Variants in RFX8 observed in about 807,000 individuals in gnomAD.
RFX8 encodes the protein DNA-binding protein RFX8.
In RFX8, 46 loss-of-function variants were observed where a neutral mutation model predicts 54.6. That is an observed-to-expected ratio of 0.84 (90% confidence interval 0.67 to 1.08). The LOEUF is 1.08. RFX8 is among the 50% of genes least tolerant of loss of function. The pLI is 0.00. For missense variants in RFX8, 536 were observed against 562.3 expected (o/e 0.95, Z 0.47); for synonymous variants, 192 against 209.5 (o/e 0.92, Z 0.72).
chr2:101,408,495 C>T (rs911767908), intron 9 of RFX8, among the ~76,000 whole-genome samples: 22 of 145,544 alleles, frequency 1.5e-4, no homozygotes, highest in Non-Finnish European at 3.3e-4. Context: ...AAAAAAAAAA[C>T]AAAAAAAACG....
At chr2:101,425,251 GT>G (rs1428565814) in intron 2 of RFX8, among the ~76,000 whole-genome samples, 2 of 152,100 alleles carry the variant, frequency 1.3e-5, no homozygotes, top group African/African-American at 4.8e-5. Flanking sequence ...TCACACCCTG[GT>G]TATGTCAATG....
intron 2 of RFX8, among the ~76,000 whole-genome samples, chr2:101,451,123 T>G (rs1167889504): frequency 6.6e-6 from 1 of 152,126 alleles, no homozygotes; most frequent in Non-Finnish European, 1.5e-5. Context: ...AGCCCACACC[T>G]TCCTCCGCTA....
At chr2:101,470,555 A>G (rs1689919310) in intron 1 of RFX8, among the ~76,000 whole-genome samples, 2 of 152,044 alleles carry the variant, frequency 1.3e-5, no homozygotes, top group Admixed American at 6.6e-5. Context: ...TCGTAATAAC[A>G]CTATTTTCCT....
At chr2:101,432,602 G>A (rs1025599372) in intron 2 of RFX8, among the ~76,000 whole-genome samples, 7 of 152,144 alleles carry the variant, frequency 4.6e-5, no homozygotes, top group South Asian at 2.1e-4. Flanking sequence ...AGTGCCCACC[G>A]GGACAGCTTT....
At chr2:101,440,479 G>A (rs187619602) in intron 2 of RFX8, among the ~76,000 whole-genome samples, 1 of 152,216 alleles carries the variant, frequency 6.6e-6, no homozygotes, top group South Asian at 2.1e-4. Flanking sequence ...AACTTTAGGT[G>A]CCGAGTCGCT....
intron 2 of RFX8, among the ~76,000 whole-genome samples, chr2:101,429,833 T>C (rs891832237): frequency 2.0e-5 from 3 of 152,170 alleles, no homozygotes; most frequent in Non-Finnish European, 4.4e-5. Flanking sequence ...CGGGCAATTG[T>C]CATCCAGGTA....
intron 11 of RFX8, among the ~76,000 whole-genome samples, chr2:101,398,168 T>C (rs1364677016): frequency 1.3e-5 from 2 of 152,200 alleles, no homozygotes; most frequent in Non-Finnish European, 2.9e-5. Context: ...CATGCATTTA[T>C]TCTAAGAGAA....
intron 2 of RFX8, 45 bp from the exon 3 acceptor site, chr2:101,422,517 C>A (rs1558855988): frequency 2.6e-6 from 3 of 1,147,994 alleles, no homozygotes; most frequent in Non-Finnish European, 3.8e-6. Flanking sequence ...AAATACAATA[C>A]TTTTTTTGGC....
chr2:101,406,509 G>A (rs190279484), intron 9 of RFX8, among the ~76,000 whole-genome samples: 2 of 151,172 alleles, frequency 1.3e-5, no homozygotes, highest in African/African-American at 4.9e-5. Flanking sequence ...TTTAATTTTG[G>A]GGGGGAGGGT....
At chr2:101,426,905 T>C (rs531402875) in intron 2 of RFX8, among the ~76,000 whole-genome samples, 4 of 152,310 alleles carry the variant, frequency 2.6e-5, no homozygotes, top group African/African-American at 9.6e-5. Flanking sequence ...GTCACTCTCC[T>C]TCTGAAGATG....
At chr2:101,421,682 T>G in intron 4 of RFX8, 42 bp downstream of exon 4, 1 of 1,531,088 alleles carries the variant, frequency 6.5e-7, no homozygotes, top group East Asian at 2.5e-5. Context: ...TGCTTGTATT[T>G]TATAGATAAA....
intron 2 of RFX8, among the ~76,000 whole-genome samples, chr2:101,461,280 A>G (rs1421905385): frequency 1.5e-5 from 1 of 67,988 alleles, no homozygotes; most frequent in Non-Finnish European, 3.2e-5. Flanking sequence ...AAAAAAAAAA[A>G]AAGAAAGAAA....
At chr2:101,429,742 T>C (rs986552604) in intron 2 of RFX8, among the ~76,000 whole-genome samples, 65 of 152,092 alleles carry the variant, frequency 4.3e-4, no homozygotes, top group African/African-American at 1.5e-3. Flanking sequence ...GCACACATCC[T>C]CATGCCTGAT....
chr2:101,405,790 C>T (rs1335925353), intron 10 of RFX8, among the ~76,000 whole-genome samples, 153 bp downstream of exon 10: 2 of 152,068 alleles, frequency 1.3e-5, no homozygotes, highest in South Asian at 2.1e-4. Flanking sequence ...AAATTACTAT[C>T]GTGTTGTATG....
At chr2:101,435,631 G>A (rs1194183460) in intron 2 of RFX8, among the ~76,000 whole-genome samples, 1 of 151,966 alleles carries the variant, frequency 6.6e-6, no homozygotes, top group African/African-American at 2.4e-5. Context: ...TTATACTTTG[G>A]CTTGGATTCT....
At chr2:101,430,659 C>A (rs899530316) in intron 2 of RFX8, among the ~76,000 whole-genome samples, 1 of 152,170 alleles carries the variant, frequency 6.6e-6, no homozygotes, top group African/African-American at 2.4e-5. Flanking sequence ...GCTTAAGCCA[C>A]CCAGTCGGTG....
At chr2:101,454,536 C>G (rs1048579649) in intron 2 of RFX8, among the ~76,000 whole-genome samples, 1 of 152,216 alleles carries the variant, frequency 6.6e-6, no homozygotes, top group Non-Finnish European at 1.5e-5. Flanking sequence ...ATTCCTATTT[C>G]TCCACATCCT....
intron 2 of RFX8, among the ~76,000 whole-genome samples, chr2:101,433,957 A>G (rs567271485): frequency 2.0e-4 from 30 of 152,212 alleles, no homozygotes; most frequent in South Asian, 6.2e-4. Context: ...ATTGAGACAT[A>G]TGTCATTATA....
intron 2 of RFX8, chr2:101,450,819 A>G: frequency 1.6e-6 from 1 of 608,996 alleles, no homozygotes; most frequent in Non-Finnish European, 2.9e-6. Flanking sequence ...GGAAAAGCTA[A>G]TCCTTCAGTC....
Sources: gnomAD v4.1 joint callset for allele counts (sites outside exome capture counted in the v4.1 genomes callset) on GRCh38, gnomAD v4.1.1 for gene constraint, MANE v1.5 for transcripts, NCBI Gene and HGNC (gene_info 2026-07-23, HGNC 2026-07-21) for gene names.